Variants in FRMPD4 observed in about 807,000 individuals in gnomAD.
FRMPD4 encodes FERM and PDZ domain containing 4.
FRMPD4 carries 22 observed loss-of-function variants against 94.1 expected under a neutral mutation model. The ratio of observed to expected loss-of-function variants is 0.23; its 90% confidence interval spans 0.17 to 0.33. The LOEUF (loss-of-function observed/expected upper bound fraction) is 0.33, where lower values mean the gene tolerates loss of function less well. Ranked by LOEUF, FRMPD4 falls within the 10% of genes least tolerant of loss-of-function variation. The pLI is 1.00. For synonymous variants in FRMPD4, 631 were observed against 548.6 expected (o/e 1.15, Z -2.10); for missense variants, 1,111 against 1,339.9 (o/e 0.83, Z 2.67).
chrX:12,243,790 CTTTTTTTTT>C (rs148889684), intron 1 of FRMPD4, among the ~76,000 whole-genome samples: 26 of 22,925 alleles, frequency 1.1e-3, no homozygotes, highest in African/African-American at 2.0e-4. Flanking sequence ...ATCTAAAGGG[CTTTTTTTTT>C]TTTTTTTTTT....
chrX:12,588,138 G>C (rs1273007850), intron 2 of FRMPD4, among the ~76,000 whole-genome samples: 1 of 111,692 alleles, frequency 9.0e-6, no homozygotes, highest in Non-Finnish European at 1.9e-5. Context: ...ACAGGCATGT[G>C]TCACCATGCC....
At chrX:11,908,176 C>T (rs2053978007) in intron 3 of FRMPD4, among the ~76,000 whole-genome samples, 2 of 110,467 alleles carry the variant, frequency 1.8e-5, no homozygotes, top group African/African-American at 3.3e-5. Context: ...TGTGTAGGTC[C>T]GTCACTTTCA....
intron 1 of FRMPD4, among the ~76,000 whole-genome samples, chrX:12,226,403 AGTG>A (rs1380019359): frequency 8.9e-6 from 1 of 112,122 alleles, no homozygotes; most frequent in Non-Finnish European, 1.9e-5. Context: ...TTAAGAGAAA[AGTG>A]GTGACTATCA....
chrX:12,553,540 C>T (rs899075787), intron 2 of FRMPD4, among the ~76,000 whole-genome samples: 2 of 102,751 alleles, frequency 1.9e-5, no homozygotes, highest in Admixed American at 2.2e-4. Context: ...CTCCCTTTAA[C>T]AACCTTCAAC....
Position 12,106,864 on chromosome X carries a change from C to T in FRMPD4, c.95+228846C>T, listed in dbSNP as rs1324197749. Among the ~76,000 whole-genome samples, 3 of 111,975 alleles carry T rather than the reference C, an allele frequency of 2.7e-5. No individual in the cohort carries two copies. The East Asian group carries it at 8.5e-4, about 32-fold the overall frequency. The stretch of plus-strand genomic sequence containing the variant: ...CGAGGCTGGGGGAGGGGCGTCCTGC[C>T]ATTGCTGAGGCTTGAGTGGGTAAAC... On this transcript the variant is annotated intron_variant, in intron 3 of 18. Coordinates refer to the FRMPD4 transcript ENST00000640291.
intron 1 of FRMPD4, among the ~76,000 whole-genome samples, chrX:12,491,654 A>G (rs763892715): frequency 8.9e-6 from 1 of 112,488 alleles, no homozygotes; most frequent in Non-Finnish European, 1.9e-5. Flanking sequence ...TTACCCACTC[A>G]AAGGCAGAGA....
chrX:12,164,839 A>G (rs1223358774), intron 1 of FRMPD4, among the ~76,000 whole-genome samples: 2 of 112,364 alleles, frequency 1.8e-5, no homozygotes, highest in Non-Finnish European at 3.8e-5. Context: ...TGGCTGCATA[A>G]ATGTCTTCTT....
rs746935834 is a variant in FRMPD4 at position 12,677,066 on chromosome X, C to T, written c.468+2158C>T. Among the ~76,000 whole-genome samples the T allele has an allele frequency of 2.1e-3, 230 of 111,782 alleles. 5 individuals carry two copies. Among genetic ancestry groups the T allele is most frequent in the African/African-American group, 7.1e-3 (220 of 30,786 alleles). On this transcript the variant is annotated intron_variant, in intron 5 of 16. Transcript: ENST00000675598. ...TAAATGCTACCTCAAGGTTTTTCAA[C>T]CTTGGTTTTGTTGACATTTGAACTG...
intron 1 of FRMPD4, among the ~76,000 whole-genome samples, chrX:12,174,353 G>A (rs945019696): frequency 2.7e-5 from 3 of 111,928 alleles, no homozygotes; most frequent in African/African-American, 9.8e-5. Context: ...ACAGGTGATA[G>A]GCCAGATTTG....
intron 3 of FRMPD4, among the ~76,000 whole-genome samples, chrX:11,897,563 C>A (rs2053911104): frequency 9.0e-6 from 1 of 111,630 alleles, no homozygotes; most frequent in African/African-American, 3.3e-5. Flanking sequence ...TTCCAGAACA[C>A]AAAATATTTT....
intron 2 of FRMPD4, among the ~76,000 whole-genome samples, chrX:12,588,436 T>G (rs2058952685): frequency 8.9e-6 from 1 of 112,576 alleles, no homozygotes; most frequent in Non-Finnish European, 1.9e-5. Flanking sequence ...GGCTGGTCCA[T>G]GTCTGTGAAG....
intron 2 of FRMPD4, among the ~76,000 whole-genome samples, chrX:12,568,151 A>C (rs1206748882): frequency 9.0e-6 from 1 of 111,485 alleles, no homozygotes; most frequent in Non-Finnish European, 1.9e-5. Flanking sequence ...GGAAAAGTTT[A>C]AAATAGCCAA....
upstream of FRMPD4, among the ~76,000 whole-genome samples, chrX:12,136,991 A>C (rs749976843): frequency 9.0e-6 from 1 of 110,939 alleles, no homozygotes; most frequent in Non-Finnish European, 1.9e-5. Context: ...AAAATAAAAG[A>C]TTTCTAAATA....
At chrX:12,217,812 T>G (rs1397157061) in intron 1 of FRMPD4, among the ~76,000 whole-genome samples, 1 of 112,301 alleles carries the variant, frequency 8.9e-6, no homozygotes. Flanking sequence ...AGAGATCACA[T>G]GGTCTGCAAG....
intron 1 of FRMPD4, among the ~76,000 whole-genome samples, chrX:12,307,107 A>T (rs1279647578): frequency 8.9e-6 from 1 of 112,298 alleles, no homozygotes; most frequent in Admixed American, 9.4e-5. Context: ...ATGATGACTG[A>T]AACTCAGTAG....
intron 15 of FRMPD4, 138 bp from the exon 16 acceptor site, chrX:12,717,363 T>G: frequency 2.0e-6 from 1 of 490,216 alleles, no homozygotes; most frequent in Non-Finnish European, 3.4e-6. Flanking sequence ...CTGGAAAAAC[T>G]GCAATAAACT....
At chrX:12,368,055 AATCCATTGC>A (rs2056110238) in intron 1 of FRMPD4, among the ~76,000 whole-genome samples, 1 of 111,673 alleles carries the variant, frequency 9.0e-6, no homozygotes, top group Non-Finnish European at 1.9e-5. Context: ...ATACATTGCC[AATCCATTGC>A]AGAAGCCCTC....
chrX:11,860,856 G>C (rs2053682340), intron 1 of FRMPD4, among the ~76,000 whole-genome samples: 1 of 111,590 alleles, frequency 9.0e-6, no homozygotes, highest in Non-Finnish European at 1.9e-5. Context: ...TTATTATCCT[G>C]GGAGATGAAG....
At chrX:12,133,581 C>T (rs916632371), upstream of FRMPD4, among the ~76,000 whole-genome samples, 1 of 111,788 alleles carries the variant, frequency 8.9e-6, no homozygotes, top group Non-Finnish European at 1.9e-5. Context: ...TGAGCCACCA[C>T]GCCTGACCGA....
Sources: allele counts gnomAD v4.1 joint callset (sites outside exome capture counted in the v4.1 genomes callset), GRCh38; gene constraint gnomAD v4.1.1; transcripts MANE v1.5; gene names NCBI Gene and HGNC (gene_info 2026-07-23, HGNC 2026-07-21).